The following ZNF572 variants were observed in gnomAD, a reference collection of about 807,000 sequenced individuals.
The protein encoded by ZNF572 is zinc finger protein 572.
A neutral mutation model predicts 3.8 loss-of-function variants in ZNF572; 2 were observed. The observed-to-expected ratio is 0.52, with a 90% confidence interval of 0.21 to 1.65. ZNF572 has a LOEUF of 1.65. Among genes scored for constraint, ZNF572 ranks in the 40% most tolerant of loss-of-function variants. The pLI, the probability that ZNF572 is intolerant of heterozygous loss-of-function variation, is 0.20. For missense variants in ZNF572, 581 were observed against 633.4 expected (o/e 0.92, Z 0.89); for synonymous variants, 187 against 204.5 (o/e 0.91, Z 0.73).
chr8:124,973,718 A>G (rs767618254), intron 1 of ZNF572, among the ~76,000 whole-genome samples: 3 of 152,128 alleles, frequency 2.0e-5, no homozygotes, highest in Non-Finnish European at 2.9e-5. Flanking sequence ...CTTTCTGATC[A>G]AAGCACGGCC....
intron 2 of ZNF572, among the ~76,000 whole-genome samples, 199 bp downstream of exon 2, chr8:124,975,918 G>A (rs576082904): frequency 5.3e-4 from 80 of 152,274 alleles, no homozygotes; most frequent in Middle Eastern, 3.4e-3. Flanking sequence ...GTGAGATACC[G>A]TATCCAAAGC....
At chr8:124,974,896 T>G (rs1427684275) in intron 1 of ZNF572, among the ~76,000 whole-genome samples, 1 of 152,214 alleles carries the variant, frequency 6.6e-6, no homozygotes, top group Non-Finnish European at 1.5e-5. Flanking sequence ...TTTCACCGCA[T>G]TAGCCAGGAT....
chr8:124,975,584 C>T (rs1466496654), intron 1 of ZNF572, 22 bp from the exon 2 acceptor site: 16 of 1,410,088 alleles, frequency 1.1e-5, no homozygotes, highest in Non-Finnish European at 1.5e-5. Context: ...TACCTCCAAA[C>T]ATAATTTATT....
intron 2 of ZNF572, among the ~76,000 whole-genome samples, 163 bp downstream of exon 2, chr8:124,975,882 T>C (rs1248882096): frequency 2.0e-5 from 3 of 152,246 alleles, no homozygotes. Context: ...ATGAATAATA[T>C]CTATTTCACA....
rs1397175485 is a variant in ZNF572, at chr8:124,978,906, C to G, written c.*1048C>G. On this transcript the variant is annotated 3_prime_UTR_variant, in exon 3 of 3. Coordinates refer to ENST00000319286, the MANE Select transcript of ZNF572 (RefSeq NM_152412.3). The stretch of plus-strand genomic sequence containing the variant: ...AACTCACTAAATCTGAGCCAGTGTC[C>G]AAGGACAGTTTGTCATTAAGGAGTA... 6.6e-6 allele frequency: 1 copy of G among 152,136 alleles called. No homozygotes were observed. Among genetic ancestry groups the G allele is most frequent in the Non-Finnish European group, 1.5e-5 (1 of 68,026 alleles). 9.4% of individuals were successfully genotyped at this position (152,136 alleles called of 1,614,324 possible). A position where few individuals can be genotyped will look rare whatever the true frequency, so the allele number is the denominator to read the frequency against.
In ZNF572 at chr8:124,979,312, A is replaced by G. The variant is rs967400586; in HGVS notation, c.*1454A>G. On this transcript the variant is annotated 3_prime_UTR_variant, in exon 3 of 3. Transcript: ENST00000319286. ...ATTTTATCTTTCATGATTGTGGTGCACCTGATGCTGGCGGGGTATTTGTGT... is the reference window on the plus strand; with the variant it reads ...ATTTTATCTTTCATGATTGTGGTGCGCCTGATGCTGGCGGGGTATTTGTGT... 2.0e-5 allele frequency: 3 copies of G among 152,570 alleles called. No homozygotes were observed. The highest frequency in any genetic ancestry group is 7.2e-5 in the African/African-American group (3 of 41,420). The allele number at this position is 152,570 out of a possible 1,614,324, so 9.5% of individuals were successfully genotyped here. A position where few individuals can be genotyped will look rare whatever the true frequency, so the allele number is the denominator to read the frequency against.
Position 124,978,013 on chromosome 8 carries a change from A to C in ZNF572, c.*155A>C. 2 of 756,266 alleles carry C rather than the reference A, an allele frequency of 2.6e-6. No homozygotes were observed. Among genetic ancestry groups the C allele is most frequent in the South Asian group, 2.1e-5 (1 of 48,204 alleles). The allele number at this position is 756,266 out of a possible 1,614,324, so 46.8% of individuals were successfully genotyped here. ...CAGTTTAAAGGATGGGAAGACCCCA[A>C]TCACCAGGTTATTGGATCTGTCCAG... On this transcript the variant is annotated 3_prime_UTR_variant, in exon 3 of 3. Coordinates refer to ENST00000319286, the MANE Select transcript of ZNF572 (RefSeq NM_152412.3).
intron 1 of ZNF572, among the ~76,000 whole-genome samples, chr8:124,974,089 C>T (rs1814474056): frequency 6.6e-6 from 1 of 152,212 alleles, no homozygotes; most frequent in Non-Finnish European, 1.5e-5. Context: ...AGACTAGTTT[C>T]ACGTTTCTCT....
rs759942574 is a variant in ZNF572 at position 124,976,723 on chromosome 8, G to A, written c.455G>A (p.Arg152Lys). ...SNSSHLRTHQ[R>K]THSGEKPYKC... is the part of the protein sequence containing the mutation. ...AGTTCTCATTTGCGTACTCACCAGAGGACCCACTCAGGAGAAAAGCCTTAT... is the reference window on the plus strand; with the variant it reads ...AGTTCTCATTTGCGTACTCACCAGAAGACCCACTCAGGAGAAAAGCCTTAT... Residue 152 changes from arginine to lysine, a missense_variant, in exon 3 of 3, where the codon AGG becomes AAG. By Grantham distance (26) the Arg-to-Lys change is conservative. Coordinates refer to ENST00000319286, the MANE Select transcript of ZNF572 (RefSeq NM_152412.3). 6.2e-7 allele frequency: 1 copy of A among 1,614,048 alleles called. No homozygotes were observed. Among genetic ancestry groups the A allele is most frequent in the African/African-American group, 1.3e-5 (1 of 74,930 alleles).
intron 2 of ZNF572, among the ~76,000 whole-genome samples, 172 bp downstream of exon 2, chr8:124,975,891 C>T (rs1769176621): frequency 6.6e-6 from 1 of 152,186 alleles, no homozygotes; most frequent in Non-Finnish European, 1.5e-5. Flanking sequence ...ATCTATTTCA[C>T]ATATATTTTA....
rs1366654593 is a variant in ZNF572, at chr8:124,973,723, A to ACGGG, written c.-36+310_-36+311insGCGG. On this transcript the variant is annotated intron_variant, in intron 1 of 2. Coordinates refer to ENST00000319286, the MANE Select transcript of ZNF572 (RefSeq NM_152412.3). ...TCTTTGAAGGCTTTCTGATCAAAGC[A>ACGGG]CGGCCCCACTCTGATCACATTGTTG... 2.0e-5 allele frequency among the ~76,000 whole-genome samples: 3 copies of ACGGG among 152,204 alleles called. No individual in the cohort carries two copies. In the East Asian group the frequency reaches 5.8e-4, roughly 29 times the overall value.
chr8:124,974,554 G>C (rs1439667829), intron 1 of ZNF572, among the ~76,000 whole-genome samples: 1 of 152,132 alleles, frequency 6.6e-6, no homozygotes, highest in Non-Finnish European at 1.5e-5. Flanking sequence ...TTTAAAATGT[G>C]TGCATTTGTA....
At position 124,977,661 on chromosome 8, in the gene ZNF572, G is replaced by GA. The variant is rs781025392; in HGVS notation, c.1398dup (p.Pro467ThrfsTer8). 1.9e-6 allele frequency: 3 copies of GA among 1,614,200 alleles called. No individual in the cohort carries two copies. The highest frequency in any genetic ancestry group is 4.5e-5 in the East Asian group (2 of 44,884). Reference sequence around the variant, plus strand: ...CAGGCACCGGAGGACCCACATAGGGGAAAAACCTTACAAATGTACCAGCTG... The same window carrying GA: ...CAGGCACCGGAGGACCCACATAGGGGAAAAAACCTTACAAATGTACCAGCTG... On this transcript the variant is annotated frameshift_variant, in exon 3 of 3. Coordinates refer to ENST00000319286, the MANE Select transcript of ZNF572 (RefSeq NM_152412.3). LOFTEE classifies it low-confidence loss of function (END_TRUNC).
Position 124,977,868 on chromosome 8 carries a change from C to T in ZNF572, c.*10C>T, listed in dbSNP as rs779996759. 22 of 1,550,776 alleles carry T rather than the reference C, an allele frequency of 1.4e-5. No homozygotes were observed. The East Asian group carries it at 2.0e-4, about 14-fold the overall frequency. ...AAATTCATCTTCCTGAGTCCCAAAG[C>T]CTGGTTGGTGATGGTTTTTTCTTCC... On this transcript the variant is annotated 3_prime_UTR_variant, in exon 3 of 3. Coordinates refer to ENST00000319286, the MANE Select transcript of ZNF572 (RefSeq NM_152412.3).
Position 124,977,696 on chromosome 8 carries a change from C to G in ZNF572, c.1428C>G (p.Cys476Trp). 2 of 1,614,232 alleles carry G rather than the reference C, an allele frequency of 1.2e-6. No homozygotes were observed. The highest frequency in any genetic ancestry group is 1.7e-6 in the Non-Finnish European group (2 of 1,180,032). Residue 476 changes from cysteine to tryptophan, a missense_variant, in exon 3 of 3, where the codon TGC becomes TGG. Coordinates refer to ENST00000319286, the MANE Select transcript of ZNF572 (RefSeq NM_152412.3). ...ACAAATGTACCAGCTGTGAGAAATG[C>G]TTCAGCAGAAGTGCCTACCTCAGTC... ...KPYKCTSCEK[C>W]FSRSAYLSQH...
Position 124,977,714 on chromosome 8 carries a change from C to T in ZNF572, c.1446C>T (p.Tyr482=), listed in dbSNP as rs1228290693. The T allele has an allele frequency of 6.2e-7, 1 of 1,614,242 alleles. No homozygotes were observed. The highest frequency in any genetic ancestry group is 1.7e-5 in the Admixed American group (1 of 60,030). ...SCEKCFSRSA[Y]LSQHRKIHVE... is the part of the protein sequence containing the mutation. ...AGAAATGCTTCAGCAGAAGTGCCTA[C>T]CTCAGTCAGCATCGGAAAATTCACG... The change falls in exon 3 of 3, where the codon TAC becomes TAT. Residue 482 remains tyrosine, a synonymous_variant. Transcript: ENST00000319286.
chr8:124,978,569 C>T lies in ZNF572; in HGVS notation c.*711C>T, dbSNP rs1814544355. ...ATTCTTGACAGACCCATAAATATTT[C>T]CTATAAAGACTGTAGAAGTGTGTTC... On this transcript the variant is annotated 3_prime_UTR_variant, in exon 3 of 3. Coordinates refer to ENST00000319286, the MANE Select transcript of ZNF572 (RefSeq NM_152412.3). 6.6e-6 allele frequency: 1 copy of T among 152,086 alleles called. No homozygotes were observed. The highest frequency in any genetic ancestry group is 2.1e-4 in the South Asian group (1 of 4,820). 9.4% of individuals were successfully genotyped at this position (152,086 alleles called of 1,614,324 possible).
intron 1 of ZNF572, 94 bp from the exon 2 acceptor site, chr8:124,975,512 A>T: frequency 1.4e-6 from 1 of 697,356 alleles, no homozygotes. Flanking sequence ...GGAACATTCT[A>T]TGCCTCCTAT....
At chr8:124,974,074 A>C (rs1389363873) in intron 1 of ZNF572, among the ~76,000 whole-genome samples, 1 of 152,176 alleles carries the variant, frequency 6.6e-6, no homozygotes, top group Non-Finnish European at 1.5e-5. Context: ...GGATATTAGT[A>C]ATGTAGACTA....
Sources: gnomAD v4.1 joint callset for allele counts (sites outside exome capture counted in the v4.1 genomes callset) on GRCh38, gnomAD v4.1.1 for gene constraint, MANE v1.5 for transcripts, NCBI Gene and HGNC (gene_info 2026-07-23, HGNC 2026-07-21) for gene names.